The following HTRA4 variants were observed in gnomAD, a reference collection of about 807,000 sequenced individuals.
HTRA4 encodes serine protease HTRA4.
HTRA4 carries 46 observed loss-of-function variants against 49.1 expected under a neutral mutation model. The ratio of observed to expected loss-of-function variants is 0.94; its 90% confidence interval spans 0.74 to 1.20. The LOEUF is 1.20. HTRA4 is among the 50% of genes most tolerant of loss of function. The pLI, the probability that HTRA4 is intolerant of heterozygous loss-of-function variation, is 0.00. For synonymous variants in HTRA4, 261 were observed against 264.0 expected, an observed-to-expected ratio of 0.99 and a Z score of 0.11; for missense variants, 602 against 636.9, an observed-to-expected ratio of 0.95 and a Z score of 0.59.
chr8:38,983,761 T>C (rs1161373057), intron 8 of HTRA4, among the ~76,000 whole-genome samples: 1 of 152,026 alleles, frequency 6.6e-6, no homozygotes, highest in African/African-American at 2.4e-5. Flanking sequence ...GTGGCTTGCA[T>C]TATTGTCTAC....
chr8:38,979,096 G>A (rs1173206692), intron 4 of HTRA4, 119 bp from the exon 5 acceptor site: 3 of 908,886 alleles, frequency 3.3e-6, no homozygotes, highest in Non-Finnish European at 5.5e-6. Flanking sequence ...TTGCCGGCCT[G>A]GGGGGAATAG....
intron 5 of HTRA4, among the ~76,000 whole-genome samples, chr8:38,981,063 G>GTTTTTTTTTTTTTTTTT (rs71216700): frequency 6.2e-5 from 3 of 48,144 alleles, no homozygotes; most frequent in Admixed American, 3.2e-4. Flanking sequence ...ATGAGCTTAA[G>GTTTTTTTTTTTTTTTTT]TTTTTTTTTT....
At position 38,975,118 on chromosome 8, in the gene HTRA4, A is replaced by G. The variant is rs765604262; in HGVS notation, c.554A>G (p.Gln185Arg). 2 of 1,613,700 alleles carry G rather than the reference A, an allele frequency of 1.2e-6. No homozygotes were observed. The highest frequency in any genetic ancestry group is 2.2e-5 in the South Asian group (2 of 91,074). Reference protein sequence around the residue: ...EKVAPSVVHVQLWGRLLHGSR... With the variant: ...EKVAPSVVHVRLWGRLLHGSR... Reference sequence around the variant, plus strand: ...GTGGCGCCATCGGTGGTTCACGTGCAGCTGTGGGGCAGGTAAAGGAGGAGG... The same window carrying G: ...GTGGCGCCATCGGTGGTTCACGTGCGGCTGTGGGGCAGGTAAAGGAGGAGG... The change falls in exon 2 of 9, where the codon CAG (glutamine) becomes CGG (arginine). Residue 185 changes from glutamine to arginine, a missense_variant. By Grantham distance (43) the Gln-to-Arg change is conservative. Coordinates refer to ENST00000302495, the MANE Select transcript of HTRA4 (RefSeq NM_153692.4).
intron 3 of HTRA4, 137 bp from the exon 4 acceptor site, chr8:38,977,816 G>A: frequency 1.7e-5 from 12 of 706,948 alleles, no homozygotes; most frequent in Non-Finnish European, 2.5e-5. Context: ...CTGTGTGAGT[G>A]GGTGCTTCTC....
At chr8:38,981,063 GTTTTTTTTTTTTTTTTTTT>G (rs71216700) in intron 5 of HTRA4, among the ~76,000 whole-genome samples, 2 of 48,144 alleles carry the variant, frequency 4.2e-5, no homozygotes, top group Non-Finnish European at 8.6e-5. Context: ...ATGAGCTTAA[GTTTTTTTTTTTTTTTTTTT>G]TTTTTTTTTT....
intron 8 of HTRA4, 56 bp downstream of exon 8, chr8:38,983,104 T>G (rs1460229611): frequency 7.7e-6 from 9 of 1,164,254 alleles, no homozygotes; most frequent in East Asian, 2.3e-5. Context: ...ATGTGTGCCA[T>G]GGTAAAATGC....
chr8:38,983,978 T>C lies in HTRA4; in HGVS notation c.1268+930T>C, dbSNP rs116473810. Among the ~76,000 whole-genome samples the C allele has an allele frequency of 9.7e-3, 1,476 of 151,480 alleles. 21 individuals carry two copies. The highest frequency in any genetic ancestry group is 0.034 in the African/African-American group (1,422 of 41,360). On this transcript the variant is annotated intron_variant, in intron 8 of 8. Coordinates refer to ENST00000302495, the MANE Select transcript of HTRA4 (RefSeq NM_153692.4). ...TTAAGTGATTAACACCTATTAGGTATTAGTAACTATTAATTATTCATTAAT... is the reference window on the plus strand; with the variant it reads ...TTAAGTGATTAACACCTATTAGGTACTAGTAACTATTAATTATTCATTAAT...
Position 38,976,821 on chromosome 8 carries a change from C to G in HTRA4, c.771+82C>G, listed in dbSNP as rs889462299. ...CTGATATTTTCTGCCCCACTACACT[C>G]TCACACCACATCTTTTCTGTTGAAT... On this transcript the variant is annotated intron_variant, in intron 3 of 8. Coordinates refer to ENST00000302495, the MANE Select transcript of HTRA4 (RefSeq NM_153692.4). 7 of 1,252,756 alleles carry G rather than the reference C, an allele frequency of 5.6e-6. No individual in the cohort carries two copies. In the African/African-American group the frequency reaches 1.0e-4, roughly 19 times the overall value. 77.6% of individuals were successfully genotyped at this position (1,252,756 alleles called of 1,614,324 possible). A position where few individuals can be genotyped will look rare whatever the true frequency, so the allele number is the denominator to read the frequency against.
intron 5 of HTRA4, among the ~76,000 whole-genome samples, chr8:38,979,578 A>G (rs117706960): frequency 6.6e-6 from 1 of 152,208 alleles, no homozygotes; most frequent in Non-Finnish European, 1.5e-5. Context: ...ATCTCATCCC[A>G]CTGAGAACAC....
intron 5 of HTRA4, among the ~76,000 whole-genome samples, chr8:38,980,710 C>G (rs1475650846): frequency 6.6e-6 from 1 of 151,918 alleles, no homozygotes; most frequent in Non-Finnish European, 1.5e-5. Context: ...TGCACTCCAG[C>G]CTGGGCAACA....
chr8:38,975,437 G>T (rs959495078), intron 2 of HTRA4, among the ~76,000 whole-genome samples: 5 of 152,074 alleles, frequency 3.3e-5, no homozygotes, highest in African/African-American at 7.2e-5. Context: ...TTGAGACAAG[G>T]TCTTGCTCTG....
At position 38,981,666 on chromosome 8, in the gene HTRA4, T is replaced by C. The variant is rs1445043616; in HGVS notation, c.1013T>C (p.Ile338Thr). The C allele has an allele frequency of 1.9e-6, 3 of 1,613,402 alleles. No individual in the cohort carries two copies. The highest frequency in any genetic ancestry group is 2.2e-5 in the East Asian group (1 of 44,802). The change falls in exon 6 of 9, where the codon ATT (isoleucine) becomes ACT (threonine). Residue 338 changes from isoleucine (I) to threonine (T), a missense_variant. Transcript: ENST00000302495. ...GPLVNLDGDV[I>T]GVNSLRVTDG... ...CTCCCTTGCCAGGATGGTGATGTGA[T>C]TGGCGTCAATTCATTGAGGGTGACT...
At position 38,986,153 on chromosome 8, in the gene HTRA4, C is replaced by T. The variant is rs180844380; in HGVS notation, c.1269-1783C>T. 4.6e-3 allele frequency among the ~76,000 whole-genome samples: 706 copies of T among 152,228 alleles called. 6 individuals are homozygous for T. The highest frequency in any genetic ancestry group is 7.5e-3 in the Non-Finnish European group (512 of 67,996). On this transcript the variant is annotated intron_variant, in intron 8 of 8. Transcript: ENST00000302495. ...TCCAGCCTGGGTAAGAGAGTGAGAA[C>T]CTGTCTCAAACAAATCTATTCTTTC...
chr8:38,974,843 C>A, intron 1 of HTRA4, 114 bp downstream of exon 1: 1 of 1,194,204 alleles, frequency 8.4e-7, no homozygotes, highest in Non-Finnish European at 1.2e-6. Flanking sequence ...CGTCATTTGC[C>A]TCCTGGATTC....
chr8:38,978,918 C>G (rs145785529), intron 4 of HTRA4, among the ~76,000 whole-genome samples: 1 of 146,610 alleles, frequency 6.8e-6, no homozygotes, highest in African/African-American at 2.5e-5. Context: ...TCACTTGAAC[C>G]GGGAGGCAGA....
chr8:38,974,675 C>T lies in HTRA4; in HGVS notation c.412C>T (p.Arg138Cys), dbSNP rs1178125587. Residue 138 changes from arginine to cysteine, a missense_variant, in exon 1 of 9, where the codon CGC becomes TGC. Physicochemically the swap from Arg to Cys is radical, Grantham distance 180. Coordinates refer to ENST00000302495, the MANE Select transcript of HTRA4 (RefSeq NM_153692.4). ...ALRAENRAARRLGKVPAVPVQ... is the reference protein window; with the variant it reads ...ALRAENRAARCLGKVPAVPVQ... ...CCGGGCCGAAAACCGCGCCGCGCGC[C>T]GCCTGGGCAAGGTCCCGGCCGTGCC... is the stretch of plus-strand genomic sequence containing the variant. 7.1e-7 allele frequency: 1 copy of T among 1,400,864 alleles called. No homozygotes were observed. Among genetic ancestry groups the T allele is most frequent in the South Asian group, 1.6e-5 (1 of 61,410 alleles). 86.8% of individuals were successfully genotyped at this position (1,400,864 alleles called of 1,614,324 possible). A position where few individuals can be genotyped will look rare whatever the true frequency, so the allele number is the denominator to read the frequency against.
intron 8 of HTRA4, among the ~76,000 whole-genome samples, chr8:38,986,906 T>A (rs781000233): frequency 3.3e-5 from 5 of 152,244 alleles, no homozygotes; most frequent in African/African-American, 7.2e-5. Context: ...GGTGCATAGG[T>A]TATTAGTAAT....
At position 38,977,227 on chromosome 8, in the gene HTRA4, C is replaced by T. The variant is rs565888463; in HGVS notation, c.771+488C>T. ...CTGGGATTACAGGTGTGAGCCACTG[C>T]GCTTGGCCTCTAACTGTTTCTATTA... On this transcript the variant is annotated intron_variant, in intron 3 of 8. Coordinates refer to ENST00000302495, the MANE Select transcript of HTRA4 (RefSeq NM_153692.4). Among the ~76,000 whole-genome samples the T allele has an allele frequency of 1.3e-3, 197 of 151,602 alleles. 1 individual carries two copies. The highest frequency in any genetic ancestry group is 4.4e-3 in the African/African-American group (182 of 41,340).
At chr8:38,985,250 T>C (rs2129427882) in intron 8 of HTRA4, among the ~76,000 whole-genome samples, 1 of 149,674 alleles carries the variant, frequency 6.7e-6, no homozygotes, top group South Asian at 2.1e-4. Context: ...AACCTCTGCC[T>C]CCTGGGTTCA....
Sources: gnomAD v4.1 joint callset for allele counts (sites outside exome capture counted in the v4.1 genomes callset) on GRCh38, gnomAD v4.1.1 for gene constraint, MANE v1.5 for transcripts, NCBI Gene and HGNC (gene_info 2026-07-23, HGNC 2026-07-21) for gene names.